Variants in FBXW7 observed in about 807,000 individuals in gnomAD.
The protein encoded by FBXW7 is F-box/WD repeat-containing protein 7.
FBXW7 carries 11 observed loss-of-function variants against 86.3 expected under a neutral mutation model. The ratio of observed to expected loss-of-function variants is 0.13; its 90% CI spans 0.08 to 0.21. The LOEUF is 0.21. Ranked by LOEUF, FBXW7 falls within the 10% of genes least tolerant of loss-of-function variation. FBXW7 has a pLI of 1.00. For missense variants in FBXW7, 488 were observed against 847.4 expected (o/e 0.58, Z 5.27); for synonymous variants, 313 against 297.9 (o/e 1.05, Z -0.52).
chr4:152,428,842 C>T (rs775709873), intron 2 of FBXW7, among the ~76,000 whole-genome samples: 14 of 152,212 alleles, frequency 9.2e-5, no homozygotes, highest in African/African-American at 3.4e-4. Flanking sequence ...CAATTCAGAT[C>T]GTCAAAATAT....
intron 2 of FBXW7, among the ~76,000 whole-genome samples, chr4:152,463,297 A>T (rs190176952): frequency 1.3e-5 from 2 of 152,286 alleles, no homozygotes; most frequent in Admixed American, 1.3e-4. Flanking sequence ...TCTCAAAAAA[A>T]AAAAGAATGT....
intron 2 of FBXW7, among the ~76,000 whole-genome samples, chr4:152,507,190 A>G (rs1485753612): frequency 1.3e-5 from 2 of 152,196 alleles, no homozygotes; most frequent in African/African-American, 4.8e-5. Flanking sequence ...GGTAATCTGG[A>G]TGGATGGCAA....
At chr4:152,527,592 G>A (rs1398782438) in intron 2 of FBXW7, among the ~76,000 whole-genome samples, 1 of 152,104 alleles carries the variant, frequency 6.6e-6, no homozygotes, top group Non-Finnish European at 1.5e-5. Flanking sequence ...AATATAGTGA[G>A]ACCCTGTCTT....
chr4:152,372,078 AAGAAT>A (rs1490993332), intron 4 of FBXW7, among the ~76,000 whole-genome samples: 2 of 152,054 alleles, frequency 1.3e-5, no homozygotes, highest in Admixed American at 1.3e-4. Flanking sequence ...CACTCATTTA[AAGAAT>A]AAGTCTATTA....
At position 152,323,535 on chromosome 4, in the gene FBXW7, T is replaced by C. The variant is rs1728731466; in HGVS notation, c.1856-386A>G. The stretch of plus-strand genomic sequence containing the variant: ...CCCACCACCATGAACCACTCAAAGC[T>C]GAACAGTCACTATTCCAAAACTCTG... On this transcript the variant is annotated intron_variant, in intron 13 of 13. Transcript: ENST00000281708. 1.9e-5 allele frequency: 4 copies of C among 207,662 alleles called. No homozygotes were observed. The South Asian group carries it at 3.6e-4, about 19-fold the overall frequency. 12.9% of individuals were successfully genotyped at this position (207,662 alleles called of 1,614,324 possible). A position where few individuals can be genotyped will look rare whatever the true frequency, so the allele number is the denominator to read the frequency against.
intron 5 of FBXW7, among the ~76,000 whole-genome samples, chr4:152,348,127 A>G (rs1243428780): frequency 6.6e-6 from 1 of 152,094 alleles, no homozygotes; most frequent in African/African-American, 2.4e-5. Context: ...TAAATTACTA[A>G]TGAAACAACT....
At chr4:152,369,833 A>G (rs944621150) in intron 4 of FBXW7, among the ~76,000 whole-genome samples, 4 of 151,942 alleles carry the variant, frequency 2.6e-5, no homozygotes, top group African/African-American at 9.7e-5. Flanking sequence ...CCTTTTAACT[A>G]AACATATTCC....
intron 2 of FBXW7, among the ~76,000 whole-genome samples, chr4:152,512,537 A>C (rs936482234): frequency 3.3e-5 from 5 of 152,216 alleles, no homozygotes; most frequent in Non-Finnish European, 7.3e-5. Flanking sequence ...CCCTCCATAC[A>C]ACTGAATACT....
At chr4:152,464,395 T>A (rs922153681) in intron 2 of FBXW7, among the ~76,000 whole-genome samples, 3 of 152,182 alleles carry the variant, frequency 2.0e-5, no homozygotes, top group African/African-American at 7.2e-5. Context: ...AACACTTTAT[T>A]CTTTAAGACA....
At chr4:152,353,264 G>C (rs1732037612) in intron 4 of FBXW7, among the ~76,000 whole-genome samples, 1 of 152,098 alleles carries the variant, frequency 6.6e-6, no homozygotes, top group Admixed American at 6.6e-5. Context: ...GTACAAAACA[G>C]GCAATCCCGA....
intron 6 of FBXW7, among the ~76,000 whole-genome samples, chr4:152,338,367 G>A (rs1730373068): frequency 6.6e-6 from 1 of 151,930 alleles, no homozygotes; most frequent in African/African-American, 2.4e-5. Context: ...CATCTGAAAG[G>A]AGACGAGCAG....
chr4:152,351,397 T>C (rs1438755703), intron 4 of FBXW7, among the ~76,000 whole-genome samples: 2 of 152,126 alleles, frequency 1.3e-5, no homozygotes, highest in Non-Finnish European at 2.9e-5. Context: ...GTTCATGCCA[T>C]ACCTACTGGA....
chr4:152,446,373 T>C (rs1310623748), intron 2 of FBXW7, among the ~76,000 whole-genome samples: 1 of 129,452 alleles, frequency 7.7e-6, no homozygotes, highest in Non-Finnish European at 1.6e-5. Flanking sequence ...TACAACTTGA[T>C]TCTTTAAGAA....
chr4:152,478,338 T>C (rs192585974), intron 2 of FBXW7, among the ~76,000 whole-genome samples: 5 of 152,276 alleles, frequency 3.3e-5, no homozygotes, highest in Admixed American at 3.3e-4. Flanking sequence ...ATTTTCTGTC[T>C]AGCTTATTTC....
At chr4:152,470,607 T>C (rs1014937231) in intron 2 of FBXW7, among the ~76,000 whole-genome samples, 1 of 152,106 alleles carries the variant, frequency 6.6e-6, no homozygotes, top group African/African-American at 2.4e-5. Context: ...GGCAAATCAA[T>C]TTTACTATTT....
At chr4:152,346,526 A>G (rs1731280902) in intron 6 of FBXW7, among the ~76,000 whole-genome samples, 1 of 152,232 alleles carries the variant, frequency 6.6e-6, no homozygotes, top group South Asian at 2.1e-4. Context: ...TTTAAATTGA[A>G]ATAAACAGCA....
At chr4:152,417,400 G>C (rs569394006) in intron 2 of FBXW7, among the ~76,000 whole-genome samples, 1 of 152,020 alleles carries the variant, frequency 6.6e-6, no homozygotes, top group Non-Finnish European at 1.5e-5. Context: ...CAAAAATTTA[G>C]TCAAAAAGCT....
rs558525935 is a variant in FBXW7 at position 152,413,233 on chromosome 4, T to C, written c.-119-704A>G. On this transcript the variant is annotated intron_variant, in intron 2 of 13. Coordinates refer to ENST00000281708, the MANE Select transcript of FBXW7 (RefSeq NM_001349798.2). ...TTGAGGAAGGTCTTTTATTTCTTCC[T>C]ACCATAATACAAAATGTCAAGATAT... 3.3e-5 allele frequency among the ~76,000 whole-genome samples: 5 copies of C among 152,222 alleles called. No homozygotes were observed. In the South Asian group the frequency reaches 1.0e-3, roughly 32 times the overall value.
chr4:152,493,171 T>G (rs575245287), intron 2 of FBXW7, among the ~76,000 whole-genome samples: 2 of 150,742 alleles, frequency 1.3e-5, no homozygotes, highest in East Asian at 3.9e-4. Flanking sequence ...TTGTTTTTTG[T>G]TTTTTTTTCC....
Sources: allele counts gnomAD v4.1 joint callset (sites outside exome capture counted in the v4.1 genomes callset), GRCh38; gene constraint gnomAD v4.1.1; transcripts MANE v1.5; gene names NCBI Gene and HGNC (gene_info 2026-07-23, HGNC 2026-07-21).